Variants in PBRM1 observed in about 807,000 individuals in gnomAD.
PBRM1 encodes polybromo 1.
A neutral mutation model predicts 194.5 loss-of-function variants in PBRM1; 27 were observed. The ratio of observed to expected loss-of-function variants is 0.14; its 90% CI spans 0.10 to 0.19. The LOEUF is 0.19. Among genes scored for constraint, PBRM1 ranks in the 10% least tolerant of loss-of-function variants. The pLI is 1.00. For synonymous variants in PBRM1, 655 were observed against 693.2 expected (o/e 0.94, Z 0.87); for missense variants, 1,466 against 2,077.2 (o/e 0.71, Z 5.72).
intron 3 of PBRM1, among the ~76,000 whole-genome samples, chr3:52,668,058 G>C (rs1302603238): frequency 6.6e-6 from 1 of 152,222 alleles, no homozygotes; most frequent in Non-Finnish European, 1.5e-5. Flanking sequence ...CACTTTGGGA[G>C]GCCAAGGCAG....
chr3:52,620,784 A>G (rs554562180), intron 13 of PBRM1, among the ~76,000 whole-genome samples: 2 of 152,274 alleles, frequency 1.3e-5, no homozygotes, highest in South Asian at 4.1e-4. Context: ...TCCTTTCTCC[A>G]TTTGTATCAT....
chr3:52,625,575 C>CTT (rs747413256), intron 13 of PBRM1, among the ~76,000 whole-genome samples: 6 of 138,594 alleles, frequency 4.3e-5, no homozygotes, highest in Admixed American at 7.3e-5. Flanking sequence ...TAATGCTTAA[C>CTT]TTTTTTTTTT....
intron 7 of PBRM1, among the ~76,000 whole-genome samples, chr3:52,647,465 T>G (rs1197751869): frequency 1.6e-5 from 1 of 63,026 alleles, no homozygotes; most frequent in Non-Finnish European, 3.2e-5. Context: ...AAAATATATA[T>G]ATATATATAT....
intron 2 of PBRM1, among the ~76,000 whole-genome samples, chr3:52,673,009 C>T (rs1017188616): frequency 6.6e-6 from 1 of 151,682 alleles, no homozygotes; most frequent in African/African-American, 2.4e-5. Context: ...TTTTTTGAGA[C>T]GGAGTTTTGC....
intron 1 of PBRM1, among the ~76,000 whole-genome samples, chr3:52,679,015 T>C (rs1228460518): frequency 3.3e-5 from 5 of 152,310 alleles, no homozygotes; most frequent in Admixed American, 6.5e-5. Flanking sequence ...CTACATACTC[T>C]GAATGGGTGG....
In PBRM1 at chr3:52,662,190, T is replaced by C. The variant is rs776158478; in HGVS notation, c.471A>G (p.Ala157=). 3 of 1,614,138 alleles carry C rather than the reference T, an allele frequency of 1.9e-6. No individual in the cohort carries two copies. The South Asian group carries it at 3.3e-5, about 18-fold the overall frequency. ...CATCTTCATCATCATCTTCGTCATC[T>C]GCTTCTCCTTTCTGAACAAACTCAT... The change falls in exon 4 of 30, where the codon GCA becomes GCG. Residue 157 remains alanine, a synonymous_variant. Transcript: ENST00000296302.
chr3:52,547,216 T>C (rs2079793424), downstream of PBRM1: 1 of 233,000 alleles, frequency 4.3e-6, no homozygotes, highest in African/African-American at 2.2e-5. Context: ...GAATTCATTA[T>C]AAATAGATCA....
intron 1 of PBRM1, among the ~76,000 whole-genome samples, chr3:52,678,948 G>C (rs986899158): frequency 6.6e-6 from 1 of 152,184 alleles, no homozygotes; most frequent in East Asian, 1.9e-4. Context: ...TCTGACAGAA[G>C]GGTTTATCAC....
chr3:52,609,657 C>A lies in PBRM1; in HGVS notation c.2223G>T (p.Pro741=). The change falls in exon 16 of 30, where the codon CCG becomes CCT. Residue 741 remains proline, a synonymous_variant. Coordinates refer to ENST00000296302, the Ensembl canonical transcript of PBRM1. The surrounding 1 kb of genome is among the most constrained non-coding windows in gnomAD (Gnocchi z 4.1). ...GAGCATCTTTGTAGATCAAAGACTC[C>A]GGCTCATTGTATGTACAGGCATTAT... 1.2e-6 allele frequency: 2 copies of A among 1,612,836 alleles called. No homozygotes were observed. The highest frequency in any genetic ancestry group is 1.7e-6 in the Non-Finnish European group (2 of 1,178,914).
intron 1 of PBRM1, among the ~76,000 whole-genome samples, chr3:52,678,828 T>C (rs1013403290): frequency 6.6e-6 from 1 of 152,184 alleles, no homozygotes; most frequent in African/African-American, 2.4e-5. Flanking sequence ...CTCCTGGTGA[T>C]TTTGTCTTCT....
At chr3:52,631,196 CGTG>C (rs1438764762) in intron 11 of PBRM1, among the ~76,000 whole-genome samples, 12 of 152,124 alleles carry the variant, frequency 7.9e-5, no homozygotes, top group Middle Eastern at 6.8e-3. Flanking sequence ...CAACGTCAGG[CGTG>C]GTGACTCACG....
chr3:52,565,060 G>A (rs1320889454), intron 22 of PBRM1, among the ~76,000 whole-genome samples: 4 of 151,628 alleles, frequency 2.6e-5, no homozygotes, highest in African/African-American at 7.3e-5. Context: ...TTAGCTGGGC[G>A]TGGTGGCGTG....
chr3:52,592,820 A>G (rs2093217720), intron 17 of PBRM1, among the ~76,000 whole-genome samples: 1 of 152,132 alleles, frequency 6.6e-6, no homozygotes, highest in African/African-American at 2.4e-5. Context: ...ATACATTACT[A>G]ATTCAATCTC....
At chr3:52,547,726 C>G, downstream of PBRM1, 1 of 239,442 alleles carries the variant, frequency 4.2e-6, no homozygotes, top group Non-Finnish European at 8.1e-6. Context: ...AACAAAAACC[C>G]CAAGCCAAGA....
At chr3:52,589,344 ATAATACATT>A (rs1365501216) in intron 17 of PBRM1, 89 bp from the exon 20 acceptor site, 8 of 736,828 alleles carry the variant, frequency 1.1e-5, no homozygotes, top group African/African-American at 3.7e-5. Flanking sequence ...ACACATACTA[ATAATACATT>A]TAATACATTT....
intron 11 of PBRM1, among the ~76,000 whole-genome samples, chr3:52,633,551 T>C (rs1375993805): frequency 1.3e-5 from 2 of 152,160 alleles, no homozygotes; most frequent in South Asian, 2.1e-4. Context: ...CTTAATCACA[T>C]GGTAATTCTG....
chr3:52,657,523 G>A (rs1010879884), intron 5 of PBRM1, among the ~76,000 whole-genome samples: 16 of 152,142 alleles, frequency 1.1e-4, no homozygotes, highest in African/African-American at 3.9e-4. Context: ...AGGCTGGAGT[G>A]CAACGGCATG....
chr3:52,578,938 A>C lies in PBRM1; in HGVS notation c.3533+116T>G, dbSNP rs575100431. 3.2e-5 allele frequency: 29 copies of C among 904,946 alleles called. 1 individual carries two copies. The South Asian group carries it at 3.4e-4, about 11-fold the overall frequency. 56.1% of individuals were successfully genotyped at this position (904,946 alleles called of 1,614,324 possible). A position where few individuals can be genotyped will look rare whatever the true frequency, so the allele number is the denominator to read the frequency against. On this transcript the variant is annotated intron_variant, in intron 21 of 29. Transcript: ENST00000296302. ...TTGGAGGGGAACATGGTGTGAGAAG[A>C]AGCTGGAGAAACTGCCAGGGGAAGG...
intron 15 of PBRM1, among the ~76,000 whole-genome samples, chr3:52,612,290 C>T (rs1428545719): frequency 1.2e-5 from 1 of 84,670 alleles, no homozygotes; most frequent in Non-Finnish European, 2.5e-5. Context: ...AAAGAGGTAT[C>T]AATCAGTTGC....
Sources: gnomAD v4.1 joint callset for allele counts (sites outside exome capture counted in the v4.1 genomes callset) on GRCh38, gnomAD v4.1.1 for gene constraint, Gnocchi (gnomAD v3.1) non-coding constraint, MANE v1.5 for transcripts, NCBI Gene and HGNC (gene_info 2026-07-23, HGNC 2026-07-21) for gene names.